Variants in CADM2 observed in about 807,000 individuals in gnomAD.
CADM2 encodes immunoglobulin superfamily member 4D.
A neutral mutation model predicts 49.8 loss-of-function variants in CADM2; 12 were observed. The ratio of observed to expected loss-of-function variants is 0.24; its 90% confidence interval spans 0.15 to 0.39. The LOEUF is 0.39. Among genes scored for constraint, CADM2 ranks in the 10% least tolerant of loss-of-function variants. CADM2 has a pLI of 1.00. For missense variants in CADM2, 378 were observed against 492.3 expected (o/e 0.77, Z 2.20); for synonymous variants, 214 against 175.4 (o/e 1.22, Z -1.74).
At chr3:85,541,726 A>T (rs1184193967) in intron 1 of CADM2, among the ~76,000 whole-genome samples, 48 of 131,098 alleles carry the variant, frequency 3.7e-4, no homozygotes, top group African/African-American at 1.4e-3. Flanking sequence ...TATTATATAT[A>T]TATATTTTAT....
intron 1 of CADM2, among the ~76,000 whole-genome samples, chr3:85,282,497 C>A (rs901789524): frequency 6.7e-6 from 1 of 148,802 alleles, no homozygotes; most frequent in Admixed American, 6.8e-5. Context: ...GTCACAAGCT[C>A]ATGACCTCAA....
At chr3:85,679,130 GATAA>G (rs1294697390) in intron 1 of CADM2, among the ~76,000 whole-genome samples, 2 of 151,996 alleles carry the variant, frequency 1.3e-5, no homozygotes, top group South Asian at 2.1e-4. Context: ...TATTAAATAT[GATAA>G]ATAAAAGGAA....
At chr3:85,342,301 T>G (rs2029946918) in intron 1 of CADM2, among the ~76,000 whole-genome samples, 1 of 152,014 alleles carries the variant, frequency 6.6e-6, no homozygotes, top group Non-Finnish European at 1.5e-5. Context: ...ATGCATTAAT[T>G]TTTAAGTAGT....
At chr3:85,022,923 T>C (rs1347635524) in intron 1 of CADM2, among the ~76,000 whole-genome samples, 3 of 152,108 alleles carry the variant, frequency 2.0e-5, no homozygotes, top group African/African-American at 7.2e-5. Context: ...ATGGTAACTA[T>C]ATAATATGAA....
chr3:85,710,670 A>C (rs529766710), intron 1 of CADM2, among the ~76,000 whole-genome samples: 2 of 152,234 alleles, frequency 1.3e-5, no homozygotes, highest in Non-Finnish European at 2.9e-5. Flanking sequence ...ATTGGCTTTC[A>C]GTTGGCACAG....
intron 1 of CADM2, among the ~76,000 whole-genome samples, chr3:85,153,867 C>A (rs1482404564): frequency 1.3e-5 from 2 of 152,150 alleles, no homozygotes; most frequent in African/African-American, 4.8e-5. Flanking sequence ...AACAGACCTG[C>A]AGCTGAGGGT....
chr3:85,697,085 A>ATATATATATGCCC, intron 1 of CADM2, among the ~76,000 whole-genome samples: 1 of 19,478 alleles, frequency 5.1e-5, no homozygotes, highest in Admixed American at 4.1e-4. Flanking sequence ...TATATATGCC[A>ATATATATATGCCC]TATATATATA....
intron 1 of CADM2, among the ~76,000 whole-genome samples, chr3:85,280,602 G>T (rs1245311059): frequency 2.0e-5 from 3 of 151,120 alleles, no homozygotes; most frequent in African/African-American, 7.3e-5. Flanking sequence ...CTGCGTTTTG[G>T]GAAGTTTCCA....
intron 1 of CADM2, among the ~76,000 whole-genome samples, chr3:85,537,335 C>A (rs1488205016): frequency 6.6e-6 from 1 of 151,954 alleles, no homozygotes; most frequent in East Asian, 1.9e-4. Context: ...ATTGTTAAAA[C>A]ATTTTTAAAA....
intron 3 of CADM2, among the ~76,000 whole-genome samples, chr3:85,832,411 T>A (rs928865498): frequency 6.6e-6 from 1 of 152,016 alleles, no homozygotes; most frequent in African/African-American, 2.4e-5. Flanking sequence ...TTAGGCAGTA[T>A]GGCAATTTTA....
intron 8 of CADM2, among the ~76,000 whole-genome samples, chr3:86,008,195 T>C (rs922002739): frequency 6.6e-6 from 1 of 152,174 alleles, no homozygotes; most frequent in African/African-American, 2.4e-5. Flanking sequence ...ATATCTTTTC[T>C]AGTCAAGGAA....
At chr3:85,294,612 A>T (rs1342223002) in intron 1 of CADM2, among the ~76,000 whole-genome samples, 1 of 152,016 alleles carries the variant, frequency 6.6e-6, no homozygotes, top group Non-Finnish European at 1.5e-5. Flanking sequence ...ATGGAACAGA[A>T]CAGAGCCCTC....
intron 1 of CADM2, among the ~76,000 whole-genome samples, chr3:85,199,304 G>A (rs2041423534): frequency 6.7e-6 from 1 of 149,696 alleles, no homozygotes; most frequent in African/African-American, 2.5e-5. Flanking sequence ...TGGAGAAGGA[G>A]CAGAGAATGT....
intron 2 of CADM2, among the ~76,000 whole-genome samples, chr3:85,798,460 G>A (rs2071764922): frequency 2.6e-5 from 4 of 152,110 alleles, no homozygotes; most frequent in Admixed American, 2.6e-4. Flanking sequence ...GTGTAAGGAA[G>A]GGGTCCAGTT....
intron 1 of CADM2, among the ~76,000 whole-genome samples, chr3:85,448,606 C>A (rs1237826735): frequency 2.0e-5 from 3 of 151,978 alleles, no homozygotes; most frequent in Non-Finnish European, 4.4e-5. Context: ...GGGTTGTGTG[C>A]ATGCGTGTGT....
At chr3:85,496,775 G>C (rs1160004734) in intron 1 of CADM2, among the ~76,000 whole-genome samples, 1 of 152,022 alleles carries the variant, frequency 6.6e-6, no homozygotes. Flanking sequence ...GTTTTGTTTT[G>C]TATGTCTCTG....
At chr3:85,537,074 A>ATTTTACATAAT (rs2061435695) in intron 1 of CADM2, among the ~76,000 whole-genome samples, 1 of 152,088 alleles carries the variant, frequency 6.6e-6, no homozygotes. Context: ...TTATGTAAAT[A>ATTTTACATAAT]ACTTTCTACA....
At chr3:85,821,310 G>A (rs147510739) in intron 3 of CADM2, among the ~76,000 whole-genome samples, 97 of 152,194 alleles carry the variant, frequency 6.4e-4, no homozygotes, top group African/African-American at 2.3e-3. Flanking sequence ...CTAGGGGAAT[G>A]GCATTTACCT....
chr3:85,362,835 T>G (rs978715412), intron 1 of CADM2, among the ~76,000 whole-genome samples: 1 of 152,180 alleles, frequency 6.6e-6, no homozygotes, highest in Non-Finnish European at 1.5e-5. Context: ...CACATTCCCA[T>G]GAATACTGAT....
Sources: gnomAD v4.1 joint callset for allele counts (sites outside exome capture counted in the v4.1 genomes callset) on GRCh38, gnomAD v4.1.1 for gene constraint, MANE v1.5 for transcripts, NCBI Gene and HGNC (gene_info 2026-07-23, HGNC 2026-07-21) for gene names.